Variants in TBC1D4 observed in about 807,000 individuals in gnomAD.
The protein encoded by TBC1D4 is TBC1 domain family member 4, also known as TBC (Tre-2, BUB2, CDC16) domain-containing protein.
TBC1D4 carries 121 observed loss-of-function variants against 142.5 expected under a neutral mutation model. The ratio of observed to expected loss-of-function variants is 0.85; its 90% CI spans 0.73 to 0.99. The LOEUF is 0.99. Among genes scored for constraint, TBC1D4 ranks in the 50% least tolerant of loss-of-function variants. The pLI is 0.00. For missense variants in TBC1D4, 1,475 were observed against 1,606.6 expected, an observed-to-expected ratio of 0.92 and a Z score of 1.40; for synonymous variants, 630 against 628.2, an observed-to-expected ratio of 1.00 and a Z score of -0.04.
At chr13:75,472,640 G>A (rs1888465177) in intron 1 of TBC1D4, among the ~76,000 whole-genome samples, 1 of 151,950 alleles carries the variant, frequency 6.6e-6, no homozygotes, top group Non-Finnish European at 1.5e-5. Flanking sequence ...ACTCTCTCAG[G>A]AAAAAGAAGG....
chr13:75,321,441 G>GTAGA, intron 11 of TBC1D4, among the ~76,000 whole-genome samples: 1 of 151,356 alleles, frequency 6.6e-6, no homozygotes, highest in Admixed American at 6.6e-5. Flanking sequence ...GCATATATAT[G>GTAGA]TATATATATA....
intron 1 of TBC1D4, among the ~76,000 whole-genome samples, chr13:75,430,367 A>G (rs1886546910): frequency 6.6e-6 from 1 of 152,240 alleles, no homozygotes; most frequent in Non-Finnish European, 1.5e-5. Context: ...AAATTAAACA[A>G]ATGGTATTTT....
chr13:75,294,992 T>G lies in TBC1D4; in HGVS notation c.3178A>C (p.Arg1060=), dbSNP rs763157976. The change falls in exon 18 of 21, where the codon AGG becomes CGG. Residue 1060 remains arginine, a synonymous_variant. Transcript: ENST00000377636. The part of the protein sequence containing the change: ...SLQIQMYQLS[R]LLHDYHRDLY... ...TCTCTGTGATAGTCATGAAGGAGCC[T>G]GGACAGCTGGTACATTTGAATCTAA... 7 of 1,613,664 alleles carry G rather than the reference T, an allele frequency of 4.3e-6. No individual in the cohort carries two copies. In the South Asian group the frequency reaches 6.6e-5, roughly 15 times the overall value.
intron 1 of TBC1D4, among the ~76,000 whole-genome samples, chr13:75,434,924 A>G (rs1476171295): frequency 6.7e-6 from 1 of 150,026 alleles, no homozygotes; most frequent in Admixed American, 6.7e-5. Context: ...AAGGCAGGCA[A>G]GTCACCTGAG....
Position 75,362,672 on chromosome 13 carries a change from C to A in TBC1D4, c.499-65G>T, listed in dbSNP as rs140723469. On this transcript the variant is annotated intron_variant, in intron 1 of 20. Coordinates refer to ENST00000377636, the MANE Select transcript of TBC1D4 (RefSeq NM_014832.5). This position sits in a 1 kb window ranked among gnomAD's most constrained non-coding sequence, Gnocchi z 4.2. ...TTTGAGACAATTTACATTTACCTAG[C>A]CCAATTATTACCACATGGAATGTAT... 78 of 1,533,158 alleles carry A rather than the reference C, an allele frequency of 5.1e-5. No homozygotes were observed. In the East Asian group the frequency reaches 1.6e-3, roughly 32 times the overall value. 95.0% of individuals were successfully genotyped at this position (1,533,158 alleles called of 1,614,324 possible).
At chr13:75,414,690 AC>A (rs1473243884) in intron 1 of TBC1D4, among the ~76,000 whole-genome samples, 2 of 152,072 alleles carry the variant, frequency 1.3e-5, no homozygotes, top group Admixed American at 6.6e-5. Context: ...GCAGGGTAGA[AC>A]CAGTCAGAAT....
At chr13:75,474,034 C>T (rs9634729) in intron 1 of TBC1D4, among the ~76,000 whole-genome samples, 119,696 of 152,146 alleles carry the variant, frequency 0.79, 48,531 homozygotes, top group East Asian at 0.97. Context: ...AGAGTTCAGC[C>T]TTACCAGCCC....
intron 7 of TBC1D4, 28 bp downstream of exon 7, chr13:75,341,097 G>A: frequency 6.4e-7 from 1 of 1,573,118 alleles, no homozygotes; most frequent in Non-Finnish European, 8.7e-7. Flanking sequence ...AACAACAAAA[G>A]TAGGTGAAGT....
rs1288594792 is a variant in TBC1D4, at chr13:75,359,752, T to TAC, written c.1170+16_1170+17insGT. ...AGATTGGTCTCTTCACATACTATGATATACTTTGATACATACCTGAGAACA... is the reference window on the plus strand; with the variant it reads ...AGATTGGTCTCTTCACATACTATGATACATACTTTGATACATACCTGAGAACA... On this transcript the variant is annotated intron_variant, in intron 3 of 20. Transcript: ENST00000377636. 9 of 1,570,610 alleles carry TAC rather than the reference T, an allele frequency of 5.7e-6. No individual in the cohort carries two copies. In the South Asian group the frequency reaches 1.0e-4, roughly 17 times the overall value.
In TBC1D4 at chr13:75,371,761, CCATG is replaced by C. The variant is rs1883235400; in HGVS notation, c.499-9158_499-9155del. Among the ~76,000 whole-genome samples the C allele has an allele frequency of 3.3e-5, 5 of 152,064 alleles. No individual in the cohort carries two copies. In the South Asian group the frequency reaches 8.3e-4, roughly 25 times the overall value. On this transcript the variant is annotated intron_variant, in intron 1 of 20. Coordinates refer to ENST00000377636, the MANE Select transcript of TBC1D4 (RefSeq NM_014832.5). ...AGCGGTTTGCCCCTGTAAAATGAAC[CCATG>C]TAGGTAAAACTGTTTTCTCTGCCAT...
intron 1 of TBC1D4, among the ~76,000 whole-genome samples, chr13:75,364,750 C>T (rs902041915): frequency 6.6e-6 from 1 of 152,228 alleles, no homozygotes; most frequent in Non-Finnish European, 1.5e-5. Flanking sequence ...TATTTTTAAT[C>T]TGATTTTTAA....
chr13:75,410,863 G>A (rs1885616155), intron 1 of TBC1D4, among the ~76,000 whole-genome samples: 1 of 140,100 alleles, frequency 7.1e-6, no homozygotes, highest in Admixed American at 7.8e-5. Flanking sequence ...GTGAACCCGG[G>A]AGGCGGAGCT....
chr13:75,376,509 C>T (rs1883519158), intron 1 of TBC1D4, among the ~76,000 whole-genome samples: 1 of 151,990 alleles, frequency 6.6e-6, no homozygotes, highest in Non-Finnish European at 1.5e-5. Context: ...TTCTAAGTAG[C>T]TGGAATTACA....
intron 18 of TBC1D4, among the ~76,000 whole-genome samples, chr13:75,294,097 G>GGTT (rs749981525): frequency 4.6e-5 from 7 of 152,136 alleles, no homozygotes; most frequent in East Asian, 1.9e-4. Flanking sequence ...ATGAAGAGTT[G>GGTT]GTTGTTGTTG....
rs560535819 is a variant in TBC1D4 at position 75,284,479 on chromosome 13, C to A, written c.*2313G>T. Among the ~76,000 whole-genome samples, 1 of 151,978 alleles carries A rather than the reference C, an allele frequency of 6.6e-6. No homozygotes were observed. The highest frequency in any genetic ancestry group is 2.1e-4 in the South Asian group (1 of 4,826). ...CATGCACAGTTCACAATAGGGTTTG[C>A]GCTCCTATGAGAATCTAATGCCGTG... On this transcript the variant is annotated 3_prime_UTR_variant, in exon 21 of 21. Transcript: ENST00000377636.
At chr13:75,331,584 A>G (rs1308230507) in intron 8 of TBC1D4, among the ~76,000 whole-genome samples, 1 of 152,158 alleles carries the variant, frequency 6.6e-6, no homozygotes, top group Non-Finnish European at 1.5e-5. Flanking sequence ...TAGCCATTAC[A>G]TGATTCTGAT....
chr13:75,300,168 C>T (rs1049800943), intron 16 of TBC1D4, among the ~76,000 whole-genome samples: 3 of 152,140 alleles, frequency 2.0e-5, no homozygotes, highest in Non-Finnish European at 4.4e-5. Context: ...CCTCCATGAG[C>T]CATGTAAACC....
At chr13:75,471,747 AAAAAG>A (rs1888410001) in intron 1 of TBC1D4, among the ~76,000 whole-genome samples, 1 of 151,946 alleles carries the variant, frequency 6.6e-6, no homozygotes, top group African/African-American at 2.4e-5. Context: ...AAAAAAAAAA[AAAAAG>A]AAAGAAACTA....
intron 12 of TBC1D4, among the ~76,000 whole-genome samples, chr13:75,317,254 G>A (rs956011157): frequency 1.3e-5 from 2 of 152,098 alleles, no homozygotes; most frequent in Non-Finnish European, 2.9e-5. Context: ...AAAGCTGTTG[G>A]GACCCCCAGG....
Sources: gnomAD v4.1 joint callset for allele counts (sites outside exome capture counted in the v4.1 genomes callset) on GRCh38, gnomAD v4.1.1 for gene constraint, Gnocchi (gnomAD v3.1) non-coding constraint, MANE v1.5 for transcripts, NCBI Gene and HGNC (gene_info 2026-07-23, HGNC 2026-07-21) for gene names.